Variants in VAV3 observed in about 807,000 individuals in gnomAD.
VAV3 encodes the protein vav guanine nucleotide exchange factor 3, also known as guanine nucleotide exchange factor VAV3.
A neutral mutation model predicts 131.2 loss-of-function variants in VAV3; 94 were observed. The ratio of observed to expected loss-of-function variants is 0.72; its 90% CI spans 0.61 to 0.85. The LOEUF (loss-of-function observed/expected upper bound fraction) is 0.85, where lower values mean the gene tolerates loss of function less well. Ranked by LOEUF, VAV3 falls within the 40% of genes least tolerant of loss-of-function variation. The pLI, the probability that VAV3 is intolerant of heterozygous loss-of-function variation, is 0.00. For synonymous variants in VAV3, 349 were observed against 342.0 expected (o/e 1.02, Z -0.22); for missense variants, 939 against 1,002.7 (o/e 0.94, Z 0.86).
intron 16 of VAV3, 52 bp from the exon 17 acceptor site, chr1:107,704,702 A>AT: frequency 7.0e-7 from 1 of 1,437,118 alleles, no homozygotes; most frequent in Non-Finnish European, 9.7e-7. Flanking sequence ...AATTCTGCCC[A>AT]TATGAAATTA....
chr1:107,928,312 G>T (rs1026894295), intron 1 of VAV3, among the ~76,000 whole-genome samples: 32 of 152,224 alleles, frequency 2.1e-4, no homozygotes, highest in African/African-American at 7.5e-4. Flanking sequence ...AGCCCATACT[G>T]TGAAGGCTAC....
intron 26 of VAV3, 59 bp downstream of exon 26, chr1:107,573,988 A>C (rs960587363): frequency 5.8e-5 from 93 of 1,590,164 alleles, no homozygotes; most frequent in African/African-American, 9.4e-5. Context: ...CAATGGGTGC[A>C]AACAACTGCT....
chr1:107,950,176 A>C (rs1031043360), intron 1 of VAV3, among the ~76,000 whole-genome samples: 8 of 152,172 alleles, frequency 5.3e-5, no homozygotes, highest in Admixed American at 4.6e-4. Context: ...TCTCAGAATC[A>C]AAGTTCTCAC....
rs1557858891 is a variant in VAV3 at position 107,806,716 on chromosome 1, C to CAAATGTTATGTTATAATGTTATATGTTA, written c.322-27225_322-27224insTAACATATAACATTATAACATAACATTT. On this transcript the variant is annotated intron_variant, in intron 2 of 26. Transcript: ENST00000370056. Reference sequence around the variant, plus strand: ...TTGTAGACCAAACCTAACATAACCACAAATGTTATAATGTACAGTGCATTT... The same window carrying CAAATGTTATGTTATAATGTTATATGTTA: ...TTGTAGACCAAACCTAACATAACCACAAATGTTATGTTATAATGTTATATGTTAAAATGTTATAATGTACAGTGCATTT... Among the ~76,000 whole-genome samples, 3 of 152,186 alleles carry CAAATGTTATGTTATAATGTTATATGTTA rather than the reference C, an allele frequency of 2.0e-5. No homozygotes were observed. The East Asian group carries it at 5.8e-4, about 30-fold the overall frequency.
chr1:107,873,491 G>A (rs1390497788), intron 2 of VAV3, among the ~76,000 whole-genome samples: 1 of 152,022 alleles, frequency 6.6e-6, no homozygotes, highest in Non-Finnish European at 1.5e-5. Flanking sequence ...AGGTGCAGGA[G>A]GAACAGGCGG....
intron 15 of VAV3, among the ~76,000 whole-genome samples, chr1:107,741,312 C>G (rs960605656): frequency 6.6e-6 from 1 of 152,172 alleles, no homozygotes; most frequent in Non-Finnish European, 1.5e-5. Flanking sequence ...TTTTGAATTG[C>G]TGGGTAACAT....
intron 25 of VAV3, among the ~76,000 whole-genome samples, chr1:107,577,980 C>G (rs1216127133): frequency 6.6e-6 from 1 of 152,168 alleles, no homozygotes; most frequent in African/African-American, 2.4e-5. Context: ...CCAATATATT[C>G]TGCCTCTGTT....
intron 20 of VAV3, among the ~76,000 whole-genome samples, chr1:107,639,723 T>C (rs1655193948): frequency 6.6e-6 from 1 of 152,112 alleles, no homozygotes; most frequent in Non-Finnish European, 1.5e-5. Flanking sequence ...GTGGGAGGGA[T>C]GCTTGAGGCC....
intron 1 of VAV3, among the ~76,000 whole-genome samples, chr1:107,936,956 A>G (rs915203710): frequency 6.6e-6 from 1 of 152,100 alleles, no homozygotes; most frequent in African/African-American, 2.4e-5. Context: ...TTACTTCTCA[A>G]TGCTGCCGGT....
chr1:107,822,529 C>T (rs980145766), intron 2 of VAV3, among the ~76,000 whole-genome samples: 1 of 151,804 alleles, frequency 6.6e-6, no homozygotes, highest in Non-Finnish European at 1.5e-5. Flanking sequence ...GTGGCGGGTG[C>T]CTGTAGTCCC....
intron 20 of VAV3, among the ~76,000 whole-genome samples, chr1:107,638,051 C>G (rs1041411768): frequency 6.6e-6 from 1 of 152,130 alleles, no homozygotes; most frequent in Non-Finnish European, 1.5e-5. Flanking sequence ...GAATAGAAGG[C>G]AATGTCCTCA....
At chr1:107,841,442 G>A (rs1303495086) in intron 2 of VAV3, among the ~76,000 whole-genome samples, 2 of 152,130 alleles carry the variant, frequency 1.3e-5, no homozygotes, top group Admixed American at 1.3e-4. Flanking sequence ...TGTTTCAAAT[G>A]TTCAGAAAAG....
chr1:107,911,627 G>A (rs1195311688), intron 1 of VAV3, among the ~76,000 whole-genome samples: 2 of 152,162 alleles, frequency 1.3e-5, no homozygotes, highest in Admixed American at 6.5e-5. Flanking sequence ...AAGAAAAAAT[G>A]TTCTATGGGA....
intron 2 of VAV3, among the ~76,000 whole-genome samples, chr1:107,842,621 A>C (rs1256240808): frequency 6.6e-6 from 1 of 152,214 alleles, no homozygotes; most frequent in Non-Finnish European, 1.5e-5. Context: ...GGTATGAGAG[A>C]TAGCTCAATG....
intron 19 of VAV3, among the ~76,000 whole-genome samples, chr1:107,651,127 C>T (rs868342459): frequency 6.6e-6 from 1 of 152,116 alleles, no homozygotes; most frequent in Non-Finnish European, 1.5e-5. Context: ...ACTGAGAAGA[C>T]AGCCATCTGT....
In VAV3 at chr1:107,895,916, A is replaced by G. The variant is rs78134093; in HGVS notation, c.205-20899T>C. ...CTCACAGGAAATTACCCCTGAAACA[A>G]TTCAGCAGTAACACCAGGAAACTGC... On this transcript the variant is annotated intron_variant, in intron 1 of 26. Coordinates refer to ENST00000370056, the MANE Select transcript of VAV3 (RefSeq NM_006113.5). Among the ~76,000 whole-genome samples the G allele has an allele frequency of 7.3e-4, 111 of 152,308 alleles. 2 individuals are homozygous for G. The East Asian group carries it at 0.02, about 28-fold the overall frequency.
chr1:107,753,215 C>A (rs143057909), intron 12 of VAV3, among the ~76,000 whole-genome samples: 125 of 151,862 alleles, frequency 8.2e-4, no homozygotes, highest in African/African-American at 2.8e-3. Context: ...CATGAAATGG[C>A]AAATATTGTA....
intron 2 of VAV3, among the ~76,000 whole-genome samples, chr1:107,826,989 A>G (rs1668045747): frequency 6.6e-6 from 1 of 152,178 alleles, no homozygotes; most frequent in Non-Finnish European, 1.5e-5. Flanking sequence ...TAAATCTTAT[A>G]AAAATATTTA....
At chr1:107,765,316 C>A in intron 8 of VAV3, 141 bp from the exon 9 acceptor site, 1 of 667,556 alleles carries the variant, frequency 1.5e-6, no homozygotes, top group Admixed American at 2.8e-5. Flanking sequence ...TAATACATAC[C>A]ACATACACAG....
Sources: allele counts gnomAD v4.1 joint callset (sites outside exome capture counted in the v4.1 genomes callset), GRCh38; gene constraint gnomAD v4.1.1; transcripts MANE v1.5; gene names NCBI Gene and HGNC (gene_info 2026-07-23, HGNC 2026-07-21).